The following GNAQ variants were observed in gnomAD, a reference collection of about 807,000 sequenced individuals.
GNAQ encodes guanine nucleotide-binding protein G(q) subunit alpha.
Under a neutral mutation model 43.9 loss-of-function variants are expected in GNAQ, and 8 were observed. The ratio of observed to expected loss-of-function variants is 0.18; its 90% CI spans 0.11 to 0.33. GNAQ has a LOEUF of 0.33. Among genes scored for constraint, GNAQ ranks in the 10% least tolerant of loss-of-function variants. GNAQ has a pLI of 1.00. For synonymous variants in GNAQ, 155 were observed against 170.7 expected (o/e 0.91, Z 0.71); for missense variants, 158 against 450.8 (o/e 0.35, Z 5.88).
At chr9:77,890,300 A>G (rs1828381892) in intron 2 of GNAQ, among the ~76,000 whole-genome samples, 1 of 152,240 alleles carries the variant, frequency 6.6e-6, no homozygotes, top group African/African-American at 2.4e-5. Flanking sequence ...ATAATAATTT[A>G]TCGAAGCCAT....
intron 6 of GNAQ, among the ~76,000 whole-genome samples, chr9:77,723,151 G>C (rs145573481): frequency 6.6e-6 from 1 of 152,342 alleles, no homozygotes; most frequent in East Asian, 1.9e-4. Context: ...CACAGGAAAA[G>C]ATGCTCAATA....
chr9:77,859,410 A>G (rs964748489), intron 2 of GNAQ, among the ~76,000 whole-genome samples: 1 of 152,240 alleles, frequency 6.6e-6, no homozygotes, highest in African/African-American at 2.4e-5. Context: ...CATTAAATCA[A>G]TCCTACATTT....
chr9:77,756,580 T>C (rs1825906961), intron 5 of GNAQ, among the ~76,000 whole-genome samples: 1 of 152,160 alleles, frequency 6.6e-6, no homozygotes, highest in African/African-American at 2.4e-5. Context: ...GCTGGCACAA[T>C]GACTTGAGAG....
intron 1 of GNAQ, among the ~76,000 whole-genome samples, chr9:78,000,196 T>A (rs1056256760): frequency 6.6e-5 from 10 of 152,014 alleles, no homozygotes; most frequent in African/African-American, 1.2e-4. Context: ...AAAAATTCAA[T>A]TTTTTTTCCT....
intron 1 of GNAQ, among the ~76,000 whole-genome samples, chr9:77,944,168 G>A (rs1248612957): frequency 6.6e-6 from 1 of 151,822 alleles, no homozygotes; most frequent in Non-Finnish European, 1.5e-5. Context: ...AGGATATCTG[G>A]CTAATGGCAA....
At chr9:77,734,413 C>T (rs936827495) in intron 5 of GNAQ, among the ~76,000 whole-genome samples, 4 of 152,070 alleles carry the variant, frequency 2.6e-5, no homozygotes, top group African/African-American at 9.7e-5. Context: ...AATTACATTT[C>T]CCATAAAGTC....
chr9:77,995,993 G>A (rs956895185), intron 1 of GNAQ, among the ~76,000 whole-genome samples: 7 of 152,180 alleles, frequency 4.6e-5, no homozygotes, highest in Non-Finnish European at 7.3e-5. Context: ...AGAAGACTGC[G>A]TATAGAAAGA....
intron 5 of GNAQ, among the ~76,000 whole-genome samples, chr9:77,750,638 T>C (rs938578779): frequency 6.9e-6 from 1 of 145,440 alleles, no homozygotes; most frequent in African/African-American, 2.5e-5. Context: ...AACTCTTTCT[T>C]GAAGTCTTCC....
chr9:77,933,794 C>G (rs1037321199), intron 1 of GNAQ, among the ~76,000 whole-genome samples: 2 of 152,108 alleles, frequency 1.3e-5, no homozygotes, highest in African/African-American at 2.4e-5. Context: ...ACTTAATACA[C>G]CACCCACAGA....
intron 1 of GNAQ, among the ~76,000 whole-genome samples, chr9:78,009,078 T>C (rs1371472198): frequency 1.3e-5 from 2 of 152,262 alleles, no homozygotes; most frequent in East Asian, 1.9e-4. Flanking sequence ...AGATTAAATC[T>C]ATTTGGCTGT....
intron 2 of GNAQ, among the ~76,000 whole-genome samples, chr9:77,872,738 G>T (rs1288085085): frequency 6.6e-6 from 1 of 152,066 alleles, no homozygotes; most frequent in Non-Finnish European, 1.5e-5. Context: ...GACTCTCAGG[G>T]TTTCTGACTC....
intron 1 of GNAQ, among the ~76,000 whole-genome samples, chr9:78,018,822 A>G (rs1823870251): frequency 6.6e-6 from 1 of 152,204 alleles, no homozygotes; most frequent in Non-Finnish European, 1.5e-5. Context: ...ATAAAACATA[A>G]AGAATATTTT....
intron 5 of GNAQ, among the ~76,000 whole-genome samples, chr9:77,763,716 A>C (rs184800083): frequency 2.5e-4 from 38 of 152,334 alleles, no homozygotes; most frequent in Admixed American, 1.4e-3. Context: ...CAAAGTCAAA[A>C]ATGTCCTGTC....
chr9:78,027,382 A>G (rs891420275), intron 1 of GNAQ, among the ~76,000 whole-genome samples: 2 of 152,230 alleles, frequency 1.3e-5, no homozygotes, highest in Non-Finnish European at 2.9e-5. Context: ...GCATTCTACG[A>G]GTTAGATACT....
chr9:78,030,775 T>G (rs1365894632), intron 1 of GNAQ, among the ~76,000 whole-genome samples: 1 of 152,112 alleles, frequency 6.6e-6, no homozygotes, highest in Non-Finnish European at 1.5e-5. Context: ...CGGAGTGATC[T>G]GCCATTTAGC....
intron 1 of GNAQ, among the ~76,000 whole-genome samples, chr9:78,021,826 G>GTT (rs1468917080): frequency 8.5e-5 from 13 of 152,234 alleles, no homozygotes; most frequent in Non-Finnish European, 1.8e-4. Flanking sequence ...AAAAGAAGTA[G>GTT]TAAGTCAAAG....
At chr9:77,908,730 C>T (rs1223826028) in intron 2 of GNAQ, among the ~76,000 whole-genome samples, 1 of 152,122 alleles carries the variant, frequency 6.6e-6, no homozygotes, top group Non-Finnish European at 1.5e-5. Flanking sequence ...CAAAAGGTAG[C>T]CTACTGGTGA....
intron 2 of GNAQ, among the ~76,000 whole-genome samples, chr9:77,851,346 C>T (rs1350671672): frequency 3.3e-5 from 5 of 152,250 alleles, no homozygotes; most frequent in South Asian, 4.1e-4. Flanking sequence ...TGCCTCCTTC[C>T]CCCACCATGG....
At chr9:77,801,993 C>A (rs2118472881) in intron 3 of GNAQ, among the ~76,000 whole-genome samples, 1 of 152,024 alleles carries the variant, frequency 6.6e-6, no homozygotes. Context: ...ATGGTGAAAC[C>A]CCATCTCTAC....
Sources: gnomAD v4.1 joint callset for allele counts (sites outside exome capture counted in the v4.1 genomes callset) on GRCh38, gnomAD v4.1.1 for gene constraint, MANE v1.5 for transcripts, NCBI Gene and HGNC (gene_info 2026-07-23, HGNC 2026-07-21) for gene names.